Variants in LRP5 observed in about 807,000 individuals in gnomAD.
LRP5 encodes the protein low-density lipoprotein receptor-related protein 5.
LRP5 carries 62 observed loss-of-function variants against 154.1 expected under a neutral mutation model. The ratio of observed to expected loss-of-function variants is 0.40; its 90% confidence interval spans 0.33 to 0.50. The LOEUF (loss-of-function observed/expected upper bound fraction) is 0.50. Among genes scored for constraint, LRP5 ranks in the 20% least tolerant of loss-of-function variants. The pLI, the probability that LRP5 is intolerant of heterozygous loss-of-function variation, is 0.55. For missense variants in LRP5, 1,915 were observed against 2,336.7 expected, an observed-to-expected ratio of 0.82 and a Z score of 3.72; for synonymous variants, 966 against 1,011.5, an observed-to-expected ratio of 0.96 and a Z score of 0.85.
intron 7 of LRP5, among the ~76,000 whole-genome samples, chr11:68,390,381 T>C (rs1210723674): frequency 6.6e-6 from 1 of 152,226 alleles, no homozygotes; most frequent in Non-Finnish European, 1.5e-5. Flanking sequence ...GCACTGCTTT[T>C]GCCACTTACT....
intron 18 of LRP5, among the ~76,000 whole-genome samples, chr11:68,434,213 A>T (rs1168652622): frequency 6.6e-6 from 1 of 152,168 alleles, no homozygotes; most frequent in African/African-American, 2.4e-5. Flanking sequence ...CTTAAGCCTG[A>T]GTGGTTTCTA....
At chr11:68,325,531 T>C (rs1024609564) in intron 1 of LRP5, among the ~76,000 whole-genome samples, 2 of 152,134 alleles carry the variant, frequency 1.3e-5, no homozygotes, top group African/African-American at 4.8e-5. Context: ...CAGCAACCAT[T>C]ATGCAGCAGT....
chr11:68,401,081 TCA>T (rs768822933), intron 7 of LRP5, among the ~76,000 whole-genome samples: 9 of 152,342 alleles, frequency 5.9e-5, no homozygotes, highest in Non-Finnish European at 1.3e-4. Context: ...GCCCCTCCTC[TCA>T]CGCTGGGTGT....
At chr11:68,333,977 C>G (rs1182062470) in intron 1 of LRP5, among the ~76,000 whole-genome samples, 1 of 152,162 alleles carries the variant, frequency 6.6e-6, no homozygotes, top group Non-Finnish European at 1.5e-5. Context: ...GTGGCTCACA[C>G]CTGTAATCCC....
At chr11:68,398,380 G>A (rs1228667449) in intron 7 of LRP5, among the ~76,000 whole-genome samples, 3 of 152,226 alleles carry the variant, frequency 2.0e-5, no homozygotes, top group Non-Finnish European at 4.4e-5. Flanking sequence ...TGCTGGTCAG[G>A]GGGGCGTGCG....
the LRP5 span, among the ~76,000 whole-genome samples, chr11:68,299,457 G>C: frequency 6.8e-6 from 1 of 147,980 alleles, no homozygotes; most frequent in African/African-American, 2.7e-5. Context: ...GTAGACAGTG[G>C]GGTGGAGTCC....
At chr11:68,399,558 C>G (rs932870357) in intron 7 of LRP5, among the ~76,000 whole-genome samples, 69 of 152,232 alleles carry the variant, frequency 4.5e-4, no homozygotes, top group African/African-American at 1.6e-3. Flanking sequence ...TCTTCCGGCA[C>G]TGGCGTTCCT....
chr11:68,411,301 C>G, intron 10 of LRP5, 135 bp from the exon 11 acceptor site: 1 of 895,484 alleles, frequency 1.1e-6, no homozygotes, highest in Admixed American at 2.1e-5. Context: ...CCCTTCCCTG[C>G]TTCCTGCGCG....
chr11:68,386,338 G>A lies in LRP5; in HGVS notation c.1038G>A (p.Leu346=). The change falls in exon 6 of 23, where the codon CTG becomes CTA. Residue 346 remains leucine (L), a synonymous_variant. Transcript: ENST00000294304. The surrounding 1 kb of genome is among the most constrained non-coding windows in gnomAD (Gnocchi z 7.9). ...CAGGAGCCGAGGAGGTGCTGCTGCT[G>A]GCCCGGCGGACGGACCTACGGAGGA... is the stretch of plus-strand genomic sequence containing the variant. ...CKAGAEEVLL[L]ARRTDLRRIS... 6.2e-7 allele frequency: 1 copy of A among 1,612,890 alleles called. No individual in the cohort carries two copies. The highest frequency in any genetic ancestry group is 1.1e-5 in the South Asian group (1 of 91,086).
In LRP5 at chr11:68,403,687, G is replaced by T. The variant is rs1415198898; in HGVS notation, c.1789G>T (p.Ala597Ser). The T allele has an allele frequency of 6.2e-7, 1 of 1,613,870 alleles. No homozygotes were observed. The highest frequency in any genetic ancestry group is 8.5e-7 in the Non-Finnish European group (1 of 1,180,050). The change falls in exon 8 of 23, where the codon GCC becomes TCC. Residue 597 changes from alanine (A) to serine (S), a missense_variant. By Grantham distance (99) the Ala-to-Ser change is moderately conservative. Coordinates refer to ENST00000294304, the MANE Select transcript of LRP5 (RefSeq NM_002335.4). ...GATGGGGCTCAAAGCTGTGAATGTG[G>T]CCAAGGTCGTCGGTGAGTCCGGGGG... Reference protein sequence around the residue: ...DLMGLKAVNVAKVVGTNPCAD... With the variant: ...DLMGLKAVNVSKVVGTNPCAD...
chr11:68,307,914 A>T (rs1442739362), upstream of LRP5, among the ~76,000 whole-genome samples: 2 of 152,366 alleles, frequency 1.3e-5, no homozygotes, highest in East Asian at 3.9e-4. Context: ...TAGAGCAGAT[A>T]TCATGATTCC....
chr11:68,402,279 C>A (rs1020906253), intron 7 of LRP5, among the ~76,000 whole-genome samples: 2 of 152,204 alleles, frequency 1.3e-5, no homozygotes, highest in African/African-American at 2.4e-5. Context: ...ATCAGAACCA[C>A]GTCCTATCTC....
chr11:68,381,073 A>C (rs1316985260), intron 5 of LRP5, among the ~76,000 whole-genome samples: 1 of 152,198 alleles, frequency 6.6e-6, no homozygotes, highest in Non-Finnish European at 1.5e-5. Flanking sequence ...GTGAGCAGAC[A>C]CTGACACTCA....
Position 68,449,171 on chromosome 11 carries a change from G to A in LRP5, c.*101G>A. On this transcript the variant is annotated 3_prime_UTR_variant, in exon 23 of 23. Coordinates refer to ENST00000294304, the MANE Select transcript of LRP5 (RefSeq NM_002335.4). ...TATGATTTAAAAAATAAATATAATT[G>A]GGATTTTAAAAACATGAGAAATGTG... 9.4e-7 allele frequency: 1 copy of A among 1,064,346 alleles called. No individual in the cohort carries two copies. Among genetic ancestry groups the A allele is most frequent in the Non-Finnish European group, 1.3e-6 (1 of 784,076 alleles). 65.9% of individuals were successfully genotyped at this position (1,064,346 alleles called of 1,614,324 possible). A position where few individuals can be genotyped will look rare whatever the true frequency, so the allele number is the denominator to read the frequency against.
In LRP5 at chr11:68,447,618, C is replaced by A. The variant is rs1258968236; in HGVS notation, c.4586+1085C>A. Among the ~76,000 whole-genome samples, 2 of 152,188 alleles carry A rather than the reference C, an allele frequency of 1.3e-5. No homozygotes were observed. The highest frequency in any genetic ancestry group is 1.5e-5 in the Non-Finnish European group (1 of 68,032). ...CCTCGTCCCACCTCCTGCCTTTGCT[C>A]ATGCCCGTCCTGCTCTGGGCCCACC... is the stretch of plus-strand genomic sequence containing the variant. On this transcript the variant is annotated intron_variant, in intron 22 of 22. Transcript: ENST00000294304. This position sits in a 1 kb window ranked among gnomAD's most constrained non-coding sequence, Gnocchi z 4.3.
the LRP5 span, among the ~76,000 whole-genome samples, chr11:68,301,020 C>T: frequency 6.7e-6 from 1 of 148,244 alleles, no homozygotes; most frequent in African/African-American, 2.4e-5. Context: ...ACCTCTGCCT[C>T]TCGGGTTCAA....
intron 5 of LRP5, among the ~76,000 whole-genome samples, chr11:68,383,119 C>G (rs1458611249): frequency 2.6e-5 from 4 of 152,084 alleles, no homozygotes; most frequent in Non-Finnish European, 2.9e-5. Context: ...CTCAGGTGAT[C>G]CACCTGCCTC....
At chr11:68,303,711 T>C in the LRP5 span, among the ~76,000 whole-genome samples, 2 of 152,194 alleles carry the variant, frequency 1.3e-5, no homozygotes, top group Non-Finnish European at 2.9e-5. Flanking sequence ...ACCAGGATGG[T>C]CTCGATCTCC....
chr11:68,411,827 C>T (rs912075440), intron 11 of LRP5, among the ~76,000 whole-genome samples: 3 of 152,172 alleles, frequency 2.0e-5, no homozygotes, highest in Admixed American at 6.5e-5. Flanking sequence ...GCAGTTATGT[C>T]GGGAGAGGCT....
Sources: allele counts gnomAD v4.1 joint callset (sites outside exome capture counted in the v4.1 genomes callset), GRCh38; gene constraint gnomAD v4.1.1; non-coding constraint Gnocchi (gnomAD v3.1); transcripts MANE v1.5; gene names NCBI Gene and HGNC (gene_info 2026-07-23, HGNC 2026-07-21).